Variants in CSMD1 observed in about 807,000 individuals in gnomAD.
The protein encoded by CSMD1 is CUB and sushi domain-containing protein 1.
Under a neutral mutation model 417.5 loss-of-function variants are expected in CSMD1, and 213 were observed. The observed-to-expected ratio is 0.51, with a 90% CI of 0.46 to 0.57. The LOEUF (loss-of-function observed/expected upper bound fraction) is 0.57, where lower values mean the gene tolerates loss of function less well. Among genes scored for constraint, CSMD1 ranks in the 20% least tolerant of loss-of-function variants. The probability of loss-of-function intolerance (pLI) is 0.00; values close to 1 mark genes in which losing one functional copy is unlikely to be tolerated. For synonymous variants in CSMD1, 2,862 were observed against 1,736.8 expected (o/e 1.65, Z -16.11); for missense variants, 6,923 against 4,529.7 (o/e 1.53, Z -15.17).
chr8:4,645,393 G>C (rs1212322121), intron 1 of CSMD1, among the ~76,000 whole-genome samples: 1 of 123,474 alleles, frequency 8.1e-6, no homozygotes, highest in Non-Finnish European at 1.6e-5. Flanking sequence ...CATTCAGTGT[G>C]TACCCACTCT....
chr8:3,741,223 A>AAAAAC (rs1317014615), intron 6 of CSMD1, among the ~76,000 whole-genome samples: 1 of 150,616 alleles, frequency 6.6e-6, no homozygotes, highest in Non-Finnish European at 1.5e-5. Flanking sequence ...TAAAAAAAAA[A>AAAAAC]AAAAAAAAAA....
intron 3 of CSMD1, among the ~76,000 whole-genome samples, chr8:4,089,340 G>A (rs1032541513): frequency 6.6e-6 from 1 of 152,144 alleles, no homozygotes; most frequent in South Asian, 2.1e-4. Context: ...GCTCGGTATG[G>A]GGGAAAGCAC....
chr8:4,202,858 G>C (rs989382470), intron 3 of CSMD1, among the ~76,000 whole-genome samples: 6 of 152,168 alleles, frequency 3.9e-5, no homozygotes, highest in Non-Finnish European at 4.4e-5. Context: ...ATCAAATGCA[G>C]GTACCTGAGA....
At chr8:4,123,221 T>C (rs1347605933) in intron 3 of CSMD1, among the ~76,000 whole-genome samples, 1 of 152,238 alleles carries the variant, frequency 6.6e-6, no homozygotes, top group Non-Finnish European at 1.5e-5. Flanking sequence ...AGAGCCAAGT[T>C]CACAGTTAAT....
intron 9 of CSMD1, among the ~76,000 whole-genome samples, chr8:3,575,278 G>A (rs76402858): frequency 2.0e-5 from 3 of 151,748 alleles, no homozygotes; most frequent in Non-Finnish European, 4.4e-5. Flanking sequence ...GCAGTGTTAC[G>A]CTGGGACACT....
chr8:4,142,728 C>A (rs1400559124), intron 3 of CSMD1, among the ~76,000 whole-genome samples: 2 of 151,154 alleles, frequency 1.3e-5, no homozygotes, highest in South Asian at 2.1e-4. Context: ...CCAGACCTGA[C>A]ACAACGTGAG....
chr8:4,639,001 T>C (rs1310879202), intron 1 of CSMD1, among the ~76,000 whole-genome samples: 1 of 152,164 alleles, frequency 6.6e-6, no homozygotes, highest in Non-Finnish European at 1.5e-5. Context: ...AACCAAGCGC[T>C]GAAAGAACAG....
At chr8:3,641,024 C>CTTTTTTTTTTTTTTTTTTTT (rs34851559) in intron 7 of CSMD1, among the ~76,000 whole-genome samples, 1 of 102,750 alleles carries the variant, frequency 9.7e-6, no homozygotes, top group Non-Finnish European at 1.9e-5. Flanking sequence ...TCCTTTTTTC[C>CTTTTTTTTTTTTTTTTTTTT]TTTTTTTTTT....
chr8:3,676,506 A>G (rs1222897030), intron 7 of CSMD1, among the ~76,000 whole-genome samples: 5 of 152,234 alleles, frequency 3.3e-5, no homozygotes, highest in Admixed American at 2.0e-4. Context: ...GAAAAATTTT[A>G]TATCTCAGAA....
At chr8:4,135,264 C>T (rs989114173) in intron 3 of CSMD1, among the ~76,000 whole-genome samples, 2 of 151,052 alleles carry the variant, frequency 1.3e-5, no homozygotes, top group Non-Finnish European at 2.9e-5. Flanking sequence ...TAATGCCTTC[C>T]TTAACAACCA....
At chr8:4,148,069 G>A (rs982851194) in intron 3 of CSMD1, among the ~76,000 whole-genome samples, 1 of 152,088 alleles carries the variant, frequency 6.6e-6, no homozygotes, top group Non-Finnish European at 1.5e-5. Context: ...ACAAGCAGGA[G>A]GAAGACTTTT....
At chr8:4,610,515 G>A (rs988288285) in intron 2 of CSMD1, among the ~76,000 whole-genome samples, 1 of 152,142 alleles carries the variant, frequency 6.6e-6, no homozygotes, top group Non-Finnish European at 1.5e-5. Flanking sequence ...TTTCTATGAT[G>A]CCACCTTTAT....
chr8:4,596,132 CT>C (rs1800262693), intron 2 of CSMD1, among the ~76,000 whole-genome samples: 2 of 152,058 alleles, frequency 1.3e-5, no homozygotes, highest in Admixed American at 1.3e-4. Flanking sequence ...GTTCCAGTAT[CT>C]AAAAAACTTG....
At chr8:3,680,525 T>C (rs1185171972) in intron 7 of CSMD1, among the ~76,000 whole-genome samples, 2 of 152,158 alleles carry the variant, frequency 1.3e-5, no homozygotes, top group Non-Finnish European at 2.9e-5. Flanking sequence ...TAACAGGCTC[T>C]GAAATTGAGG....
chr8:3,667,574 G>C (rs1798763841), intron 7 of CSMD1, among the ~76,000 whole-genome samples: 1 of 152,146 alleles, frequency 6.6e-6, no homozygotes, highest in Admixed American at 6.5e-5. Flanking sequence ...AGTCCTTGGA[G>C]ACAACATAAA....
rs1255668386 is a variant in CSMD1, at chr8:3,284,259, C to T, written c.4038G>A (p.Lys1346=). ...CCGGAAGGGCGGAGCCACTCCACTC[C>T]TTCAGCAGGATGTCACTGTCCACCG... ...DGPVDSDILL[K]EWSGSALPED... The change falls in exon 26 of 70, where the codon AAG becomes AAA. Residue 1346 remains lysine, a synonymous_variant. Coordinates refer to ENST00000635120, the MANE Select transcript of CSMD1 (RefSeq NM_033225.6). 6.2e-7 allele frequency: 1 copy of T among 1,613,794 alleles called. No homozygotes were observed. Among genetic ancestry groups the T allele is most frequent in the Non-Finnish European group, 8.5e-7 (1 of 1,179,874 alleles).
In CSMD1 at chr8:4,971,283, A is replaced by T. The variant is rs193243236; in HGVS notation, c.85+23049T>A. On this transcript the variant is annotated intron_variant, in intron 1 of 69. Coordinates refer to ENST00000635120, the MANE Select transcript of CSMD1 (RefSeq NM_033225.6). Reference sequence around the variant, plus strand: ...ATATAAGCCTCTTATAAATGCTCTCAACATGGATTTTCTACACATTCATGC... The same window carrying T: ...ATATAAGCCTCTTATAAATGCTCTCTACATGGATTTTCTACACATTCATGC... Among the ~76,000 whole-genome samples, 3 of 152,194 alleles carry T rather than the reference A, an allele frequency of 2.0e-5. No homozygotes were observed. In the East Asian group the frequency reaches 5.8e-4, roughly 29 times the overall value.
chr8:3,223,614 A>G, intron 28 of CSMD1, 115 bp downstream of exon 28: 1 of 1,097,512 alleles, frequency 9.1e-7, no homozygotes. Flanking sequence ...ATTAGACACA[A>G]AATCTAGCAC....
At chr8:3,234,694 G>A (rs2116930898) in intron 26 of CSMD1, among the ~76,000 whole-genome samples, 1 of 152,306 alleles carries the variant, frequency 6.6e-6, no homozygotes, top group East Asian at 1.9e-4. Context: ...ATGTGAAGAT[G>A]CAACACTTAC....
Sources: gnomAD v4.1 joint callset for allele counts (sites outside exome capture counted in the v4.1 genomes callset) on GRCh38, gnomAD v4.1.1 for gene constraint, MANE v1.5 for transcripts, NCBI Gene and HGNC (gene_info 2026-07-23, HGNC 2026-07-21) for gene names.